Variants in PSG4 observed in about 807,000 individuals in gnomAD.
PSG4 encodes pregnancy-specific beta-1-glycoprotein 4.
PSG4 carries 61 observed loss-of-function variants against 44.3 expected under a neutral mutation model. That is an observed-to-expected ratio of 1.38 (90% CI 1.12 to 1.70). The LOEUF is 1.70. Ranked by LOEUF, PSG4 falls within the 40% of genes most tolerant of loss-of-function variation. PSG4 has a pLI of 0.00. For synonymous variants in PSG4, 248 were observed against 191.3 expected (o/e 1.30, Z -2.45); for missense variants, 677 against 511.7 (o/e 1.32, Z -3.12).
chr19:43,193,882 A>G, intron 5 of PSG4: 2 of 673,876 alleles, frequency 3.0e-6, no homozygotes, highest in Non-Finnish European at 5.4e-6. Flanking sequence ...AAACATATCA[A>G]TACTCATGAA....
At chr19:43,195,300 T>C in intron 3 of PSG4, 27 bp from the exon 4 acceptor site, 1 of 1,605,752 alleles carries the variant, frequency 6.2e-7, no homozygotes, top group Non-Finnish European at 8.5e-7. Context: ...GAGAAGATTG[T>C]CCTGTGTGGC....
intron 2 of PSG4, 161 bp downstream of exon 2, chr19:43,203,725 A>G: frequency 7.7e-7 from 1 of 1,295,416 alleles, no homozygotes; most frequent in Non-Finnish European, 1.0e-6. Flanking sequence ...GATCTGTTGA[A>G]ATTTGTCTCC....
chr19:43,193,378 T>C lies in PSG4; in HGVS notation c.1254A>G (p.Leu418=). 1.3e-6 allele frequency: 1 copy of C among 773,286 alleles called. No homozygotes were observed. 47.9% of individuals were successfully genotyped at this position (773,286 alleles called of 1,614,324 possible). ...TTGGAGGAACTAGTAGAATTCAGGG[T>C]AATATCCAGTCTACAGGTGGATAAT... ...SITVKVSDWI[L]P The change falls in exon 6 of 6, where the codon TTA becomes TTG. Residue 418 remains leucine (L), a synonymous_variant. Transcript: ENST00000405312.
chr19:43,194,191 C>A (rs146324539), intron 5 of PSG4, 149 bp downstream of exon 5: 4 of 1,544,916 alleles, frequency 2.6e-6, no homozygotes, highest in African/African-American at 2.8e-5. Context: ...AGTTCTTAGA[C>A]AAATTGGGAG....
Position 43,194,607 on chromosome 19 carries a change from G to C in PSG4, c.989-13C>G. ...AGGTCTGGACCATCTGGCGCAAAGAGAATAAAGCCATAGGTGATGTCATCC... is the reference window on the plus strand; with the variant it reads ...AGGTCTGGACCATCTGGCGCAAAGACAATAAAGCCATAGGTGATGTCATCC... On this transcript the variant is annotated splice_polypyrimidine_tract_variant and intron_variant, in intron 4 of 5. Coordinates refer to ENST00000405312, the MANE Select transcript of PSG4 (RefSeq NM_002780.5). The C allele has an allele frequency of 6.2e-7, 1 of 1,603,760 alleles. No individual in the cohort carries two copies. Among genetic ancestry groups the C allele is most frequent in the Non-Finnish European group, 8.5e-7 (1 of 1,173,978 alleles).
rs568272213 is a variant in PSG4, at chr19:43,197,898, G to T, written c.709+99C>A. 3.8e-5 allele frequency: 60 copies of T among 1,576,098 alleles called. 21 individuals carry two copies. In the East Asian group the frequency reaches 1.6e-3, roughly 42 times the overall value. On this transcript the variant is annotated intron_variant, in intron 3 of 5. Coordinates refer to ENST00000405312, the MANE Select transcript of PSG4 (RefSeq NM_002780.5). ...CCAGCTTTGATGTCTAGGGGTAAAG[G>T]TCTCTGTACTTGGACCTGAGAGGGA...
At chr19:43,202,817 T>C (rs1967576321) in intron 2 of PSG4, among the ~76,000 whole-genome samples, 1 of 144,386 alleles carries the variant, frequency 6.9e-6, no homozygotes, top group Non-Finnish European at 1.5e-5. Flanking sequence ...TTTGGATGCC[T>C]AAAAAGAGAG....
chr19:43,200,453 C>A (rs1967455616), intron 2 of PSG4, among the ~76,000 whole-genome samples: 1 of 144,884 alleles, frequency 6.9e-6, no homozygotes, highest in African/African-American at 2.7e-5. Context: ...TTTTTTTCCC[C>A]ACCCTTTTTG....
At position 43,193,267 on chromosome 19, in the gene PSG4, T is replaced by A. The variant is rs1228029565; in HGVS notation, c.*105A>T. ...AGGTACAAGGGTTTTCCCATGAAAT[T>A]TACATCGAGTTGTCCACCTCCAGCT... On this transcript the variant is annotated 3_prime_UTR_variant, in exon 6 of 6. Transcript: ENST00000405312. The A allele has an allele frequency of 2.6e-6, 2 of 768,588 alleles. No homozygotes were observed. Among genetic ancestry groups the A allele is most frequent in the African/African-American group, 1.7e-5 (1 of 58,764 alleles). 47.6% of individuals were successfully genotyped at this position (768,588 alleles called of 1,614,324 possible). A position where few individuals can be genotyped will look rare whatever the true frequency, so the allele number is the denominator to read the frequency against.
rs147615358 is a variant in PSG4 at position 43,198,115 on chromosome 19, T to C, written c.591A>G (p.Lys197=). ...LPMTHRLQLS[K]TNRTLFIFGV... is the part of the protein sequence containing the mutation. Reference sequence around the variant, plus strand: ...CAAATATAAAGAGGGTCCTGTTGGTTTTGGACAGCTGCAACCTGTGAGTCA... The same window carrying C: ...CAAATATAAAGAGGGTCCTGTTGGTCTTGGACAGCTGCAACCTGTGAGTCA... The change falls in exon 3 of 6, where the codon AAA becomes AAG. Residue 197 remains lysine, a synonymous_variant. Coordinates refer to ENST00000405312, the MANE Select transcript of PSG4 (RefSeq NM_002780.5). 2,405 of 1,587,410 alleles carry C rather than the reference T, an allele frequency of 1.5e-3. 401 individuals carry two copies. In the African/African-American group the frequency reaches 0.031, roughly 20 times the overall value.
At chr19:43,203,266 A>C (rs1323858438) in intron 2 of PSG4, 2 of 148,060 alleles carry the variant, frequency 1.4e-5, no homozygotes, top group Admixed American at 6.6e-5. Context: ...ATGTCCTACA[A>C]AGCTTGTCTT....
chr19:43,205,005 G>A (rs966270290), intron 1 of PSG4: 3 of 225,138 alleles, frequency 1.3e-5, no homozygotes, highest in South Asian at 5.3e-5. Flanking sequence ...TACCAATTCC[G>A]CTTCAATGTG....
At chr19:43,204,353 C>A (rs1431957197) in intron 1 of PSG4, 102 bp from the exon 2 acceptor site, 2 of 1,346,088 alleles carry the variant, frequency 1.5e-6, no homozygotes, top group African/African-American at 3.2e-5. Flanking sequence ...TGAAGACACA[C>A]AAACACACAC....
intron 3 of PSG4, 137 bp from the exon 4 acceptor site, chr19:43,195,410 C>G: frequency 7.1e-7 from 1 of 1,410,100 alleles, no homozygotes; most frequent in Non-Finnish European, 9.7e-7. Context: ...GCTTCTGTCA[C>G]AAGATAGATG....
chr19:43,204,981 A>G lies in PSG4; in HGVS notation c.64+492T>C. 1.6e-5 allele frequency: 4 copies of G among 246,566 alleles called. 1 individual carries two copies. The South Asian group carries it at 1.7e-4, about 11-fold the overall frequency. The allele number at this position is 246,566 out of a possible 1,614,324, so 15.3% of individuals were successfully genotyped here. A position where few individuals can be genotyped will look rare whatever the true frequency, so the allele number is the denominator to read the frequency against. Reference sequence around the variant, plus strand: ...TAATCAGGAAAACAGAACACTTAAGATTTTCCTACCACTTACCAATTCCGC... The same window carrying G: ...TAATCAGGAAAACAGAACACTTAAGGTTTTCCTACCACTTACCAATTCCGC... On this transcript the variant is annotated intron_variant, in intron 1 of 5. Coordinates refer to ENST00000405312, the MANE Select transcript of PSG4 (RefSeq NM_002780.5).
rs566179724 is a variant in PSG4, at chr19:43,201,438, C to A, written c.430+2448G>T. Among the ~76,000 whole-genome samples, 33 of 145,206 alleles carry A rather than the reference C, an allele frequency of 2.3e-4. 3 individuals carry two copies. Among genetic ancestry groups the A allele is most frequent in the Non-Finnish European group, 3.9e-4 (26 of 67,124 alleles). On this transcript the variant is annotated intron_variant, in intron 2 of 5. Coordinates refer to ENST00000405312, the MANE Select transcript of PSG4 (RefSeq NM_002780.5). ...AGTTTACAAAATTTGTAACTAATTG[C>A]TCCTATAGATAACATCACTATTGTA... is the stretch of plus-strand genomic sequence containing the variant.
chr19:43,198,048 G>A lies in PSG4; in HGVS notation c.658C>T (p.Arg220Trp), dbSNP rs199534289. 4.5e-5 allele frequency: 71 copies of A among 1,587,632 alleles called. 11 individuals are homozygous for A. The Middle Eastern group carries it at 6.7e-4, about 15-fold the overall frequency. ...CTGCGGCTGGCACTCACTGGGTTCC[G>A]TATTTCACATTCATAGGGTCCTGCA... ...YIAGPYECEI[R>W]NPVSASRSDP... Residue 220 changes from arginine (R) to tryptophan (W), a missense_variant, in exon 3 of 6, where the codon CGG (arginine) becomes TGG (tryptophan). Transcript: ENST00000405312.
rs539648675 is a variant in PSG4, at chr19:43,198,397, A to T, written c.431-122T>A. 7 of 1,431,192 alleles carry T rather than the reference A, an allele frequency of 4.9e-6. 1 individual carries two copies. Among genetic ancestry groups the T allele is most frequent in the Non-Finnish European group, 6.5e-6 (7 of 1,076,916 alleles). 88.7% of individuals were successfully genotyped at this position (1,431,192 alleles called of 1,614,324 possible). On this transcript the variant is annotated intron_variant, in intron 2 of 5. Coordinates refer to ENST00000405312, the MANE Select transcript of PSG4 (RefSeq NM_002780.5). ...CACCCAAGTCCTTAAAAGCCCATGG[A>T]AGATGTGTGTGTTAAAGACAGATGC...
rs745479210 is a variant in PSG4 at position 43,194,981 on chromosome 19, C to A, written c.988+14G>T. ...GCTGGTGTCCTGGCCCACAGAGGAA[C>A]AAAAGATACTCACAGAGGACATTCA... On this transcript the variant is annotated intron_variant, in intron 4 of 5. Coordinates refer to ENST00000405312, the MANE Select transcript of PSG4 (RefSeq NM_002780.5). 3.3e-5 allele frequency: 53 copies of A among 1,609,054 alleles called. 4 individuals carry two copies. The highest frequency in any genetic ancestry group is 4.2e-5 in the Non-Finnish European group (49 of 1,177,240).
Sources: gnomAD v4.1 joint callset for allele counts (sites outside exome capture counted in the v4.1 genomes callset) on GRCh38, gnomAD v4.1.1 for gene constraint, MANE v1.5 for transcripts, NCBI Gene and HGNC (gene_info 2026-07-23, HGNC 2026-07-21) for gene names.